PRKCQ: variants seen among roughly 807,000 people sequenced by gnomAD.
PRKCQ encodes the protein protein kinase C theta type.
In PRKCQ, 41 loss-of-function variants were observed where a neutral mutation model predicts 91.2. The observed-to-expected ratio is 0.45, with a 90% CI of 0.35 to 0.58. The LOEUF (loss-of-function observed/expected upper bound fraction) is 0.58, where lower values mean the gene tolerates loss of function less well. PRKCQ is among the 20% of genes least tolerant of loss of function. The probability of loss-of-function intolerance (pLI) is 0.00; values close to 1 mark genes in which losing one functional copy is unlikely to be tolerated. For synonymous variants in PRKCQ, 307 were observed against 316.9 expected, an observed-to-expected ratio of 0.97 and a Z score of 0.33; for missense variants, 673 against 896.5, an observed-to-expected ratio of 0.75 and a Z score of 3.18.
chr10:6,507,169 A>G (rs1399926481), intron 4 of PRKCQ, among the ~76,000 whole-genome samples: 2 of 152,208 alleles, frequency 1.3e-5, no homozygotes, highest in Non-Finnish European at 2.9e-5. Flanking sequence ...CCCAAACTAA[A>G]CTAAAGACAG....
intron 2 of PRKCQ, among the ~76,000 whole-genome samples, chr10:6,511,762 A>AT (rs1021240593): frequency 3.0e-4 from 46 of 152,064 alleles, no homozygotes; most frequent in Middle Eastern, 6.9e-3. Context: ...GTTCTTTAAT[A>AT]TTTTTTTTGA....
the PRKCQ span, among the ~76,000 whole-genome samples, chr10:6,407,884 T>C: frequency 6.6e-6 from 1 of 152,146 alleles, no homozygotes; most frequent in African/African-American, 2.4e-5. This position sits in a 1 kb window ranked among gnomAD's most constrained non-coding sequence, Gnocchi z 4.0. Context: ...TATGTGTATT[T>C]GTAAATAAGT....
chr10:6,534,802 A>ATC (rs533530762), intron 1 of PRKCQ, among the ~76,000 whole-genome samples: 1,656 of 148,152 alleles, frequency 0.011, 35 homozygotes, highest in African/African-American at 0.039. Context: ...AGATATATAT[A>ATC]TATATATATA....
chr10:6,461,060 G>C (rs1165618358), intron 14 of PRKCQ, among the ~76,000 whole-genome samples: 3 of 147,492 alleles, frequency 2.0e-5, no homozygotes, highest in Admixed American at 1.3e-4. Flanking sequence ...CCAACCATCT[G>C]TTCATCTACT....
At chr10:6,455,839 T>C (rs74707348) in intron 15 of PRKCQ, among the ~76,000 whole-genome samples, 2,702 of 152,328 alleles carry the variant, frequency 0.018, 63 homozygotes, top group East Asian at 0.066. Context: ...GGACTATGTT[T>C]TGCAAATTCC....
intron 15 of PRKCQ, among the ~76,000 whole-genome samples, chr10:6,445,418 G>A (rs2132270915): frequency 6.6e-6 from 1 of 152,216 alleles, no homozygotes; most frequent in Middle Eastern, 3.4e-3. Flanking sequence ...CTCTACTTCT[G>A]GCTTAATCCC....
the PRKCQ span, among the ~76,000 whole-genome samples, chr10:6,416,652 T>C: frequency 6.6e-6 from 1 of 152,242 alleles, no homozygotes; most frequent in South Asian, 2.1e-4. Flanking sequence ...TTTGCAGTTG[T>C]GAATTGTGCT....
chr10:6,470,331 GT>G, intron 12 of PRKCQ, among the ~76,000 whole-genome samples: 1 of 152,032 alleles, frequency 6.6e-6, no homozygotes, highest in East Asian at 1.9e-4. Flanking sequence ...GGGCTTTTCT[GT>G]GGTTTAGCAC....
At chr10:6,443,948 G>C (rs1834101623) in intron 15 of PRKCQ, among the ~76,000 whole-genome samples, 1 of 152,178 alleles carries the variant, frequency 6.6e-6, no homozygotes, top group African/African-American at 2.4e-5. Context: ...GTGGAATAGT[G>C]GCTGCCAGGA....
At chr10:6,560,996 A>G (rs1022181527) in intron 1 of PRKCQ, among the ~76,000 whole-genome samples, 2 of 148,634 alleles carry the variant, frequency 1.3e-5, no homozygotes, top group African/African-American at 2.5e-5. Flanking sequence ...CCGAGATTGC[A>G]CCACTGCACT....
In PRKCQ at chr10:6,550,174, T is replaced by C. The variant is rs149702489; in HGVS notation, c.-10+30037A>G. Among the ~76,000 whole-genome samples, 1,065 of 152,362 alleles carry C rather than the reference T, an allele frequency of 7.0e-3. 15 individuals carry two copies. Among genetic ancestry groups the C allele is most frequent in the African/African-American group, 0.024 (1,008 of 41,574 alleles). ...AGAACGGGCAATATCTGTTCTTTTG[T>C]ATCTGGCTTATTTCACCTAACATAA... On this transcript the variant is annotated intron_variant, in intron 1 of 17. Transcript: ENST00000263125.
chr10:6,430,820 CG>C lies in PRKCQ; in HGVS notation c.1954del (p.Arg652GlyfsTer4). The C allele has an allele frequency of 6.2e-7, 1 of 1,613,990 alleles. No homozygotes were observed. The highest frequency in any genetic ancestry group is 8.5e-7 in the Non-Finnish European group (1 of 1,179,912). ...LERKEIDPPF[R>X]PKVKSPFDCS... is the part of the protein sequence containing the mutation. ...TGAGCGAGTCCTTACCACTTTCGGC[CG>C]GAACGGTGGGTCAATCTCCTTCCGT... On this transcript the variant is annotated frameshift_variant, in exon 17 of 18. Transcript: ENST00000263125. LOFTEE classifies it high-confidence loss of function. This position sits in a 1 kb window ranked among gnomAD's most constrained non-coding sequence, Gnocchi z 4.7.
At chr10:6,444,757 C>T (rs1360288500) in intron 15 of PRKCQ, among the ~76,000 whole-genome samples, 1 of 152,042 alleles carries the variant, frequency 6.6e-6, no homozygotes, top group Non-Finnish European at 1.5e-5. Context: ...GTTGGCGCTA[C>T]TCGTATGACA....
At chr10:6,551,205 C>A (rs1453302825) in intron 1 of PRKCQ, among the ~76,000 whole-genome samples, 1 of 151,998 alleles carries the variant, frequency 6.6e-6, no homozygotes, top group Non-Finnish European at 1.5e-5. Flanking sequence ...CTCTTTGAGT[C>A]CATGTGTTCT....
At chr10:6,441,705 T>G (rs181158892) in intron 16 of PRKCQ, among the ~76,000 whole-genome samples, 188 bp downstream of exon 16, 219 of 152,300 alleles carry the variant, frequency 1.4e-3, no homozygotes, top group Non-Finnish European at 2.5e-3. Flanking sequence ...TCTCTTACAC[T>G]CATTTTGACA....
Position 6,464,324 on chromosome 10 carries a change from A to G in PRKCQ, c.1434T>C (p.Leu478=). ...TTAAAGCCTCTTACGTCGCTCTGGA[A>G]AGGTCGAACTTGTGGCAGCTTTGGA... is the stretch of plus-strand genomic sequence containing the variant. ...YHIQSCHKFD[L]SRATFYAAEI... The change falls in exon 13 of 18, where the codon CTT becomes CTC. Residue 478 remains leucine, a synonymous_variant. Transcript: ENST00000263125. 1 of 1,613,828 alleles carries G rather than the reference A, an allele frequency of 6.2e-7. No individual in the cohort carries two copies. Among genetic ancestry groups the G allele is most frequent in the Non-Finnish European group, 8.5e-7 (1 of 1,179,852 alleles).
chr10:6,394,248 C>T, the PRKCQ span, among the ~76,000 whole-genome samples: 2 of 152,172 alleles, frequency 1.3e-5, no homozygotes, highest in South Asian at 4.1e-4. Context: ...CTGGGTCCTC[C>T]CCCATCTGCC....
chr10:6,490,515 C>A (rs563083449), intron 8 of PRKCQ, among the ~76,000 whole-genome samples: 1 of 148,448 alleles, frequency 6.7e-6, no homozygotes, highest in African/African-American at 2.5e-5. Flanking sequence ...CGCTTGAACC[C>A]AGGAGTTTGA....
At chr10:6,443,548 C>A (rs1358588990) in intron 15 of PRKCQ, among the ~76,000 whole-genome samples, 1 of 152,110 alleles carries the variant, frequency 6.6e-6, no homozygotes, top group Non-Finnish European at 1.5e-5. Context: ...GTGAAGCAAG[C>A]CAGGCACAGA....
Sources: gnomAD v4.1 joint callset for allele counts (sites outside exome capture counted in the v4.1 genomes callset) on GRCh38, gnomAD v4.1.1 for gene constraint, Gnocchi (gnomAD v3.1) non-coding constraint, MANE v1.5 for transcripts, NCBI Gene and HGNC (gene_info 2026-07-23, HGNC 2026-07-21) for gene names.